MLLT3: variants seen among roughly 807,000 people sequenced by gnomAD.
MLLT3 encodes MLLT3 super elongation complex subunit.
Under a neutral mutation model 53.2 loss-of-function variants are expected in MLLT3, and 4 were observed. That is an observed-to-expected ratio of 0.08 (90% CI 0.04 to 0.17). The LOEUF is 0.17. Ranked by LOEUF, MLLT3 falls within the 10% of genes least tolerant of loss-of-function variation. MLLT3 has a pLI of 1.00. For synonymous variants in MLLT3, 283 were observed against 230.6 expected, an observed-to-expected ratio of 1.23 and a Z score of -2.06; for missense variants, 569 against 684.0, an observed-to-expected ratio of 0.83 and a Z score of 1.87.
At chr9:20,369,579 C>T (rs1401898115) in intron 5 of MLLT3, among the ~76,000 whole-genome samples, 1 of 152,134 alleles carries the variant, frequency 6.6e-6, no homozygotes, top group Non-Finnish European at 1.5e-5. Flanking sequence ...CTGTTAACTG[C>T]TCAAAGAGCC....
chr9:20,426,967 T>C (rs911161531), intron 4 of MLLT3, among the ~76,000 whole-genome samples: 1 of 151,944 alleles, frequency 6.6e-6, no homozygotes, highest in Non-Finnish European at 1.5e-5. Flanking sequence ...TTTGGAGACC[T>C]AAACCTCAGA....
intron 4 of MLLT3, among the ~76,000 whole-genome samples, chr9:20,431,842 G>A (rs1032605492): frequency 3.9e-5 from 6 of 151,942 alleles, no homozygotes; most frequent in African/African-American, 1.5e-4. Context: ...TTATAATGCT[G>A]AATAAATAAA....
In MLLT3 at chr9:20,414,270, A is replaced by ACTGGTACTACTGCTG. The variant is rs1359051447; in HGVS notation, c.561_575dup (p.Ser188_Ser192dup). ...TCATTAATTTGTGAGGCTTTGAAAA[A>ACTGGTACTACTGCTG]CTGGTACTACTGCTGCTGCTGCTGC... On this transcript the variant is annotated inframe_insertion, in exon 5 of 11. Coordinates refer to ENST00000380338, the MANE Select transcript of MLLT3 (RefSeq NM_004529.4). The ACTGGTACTACTGCTG allele has an allele frequency of 1.9e-6, 3 of 1,610,540 alleles. No homozygotes were observed. The highest frequency in any genetic ancestry group is 2.5e-6 in the Non-Finnish European group (3 of 1,178,614).
At chr9:20,570,878 TA>T (rs750426094) in intron 2 of MLLT3, among the ~76,000 whole-genome samples, 10 of 152,328 alleles carry the variant, frequency 6.6e-5, no homozygotes, top group Middle Eastern at 6.8e-3. Context: ...GGTTAAGAAC[TA>T]AATAGATTCT....
chr9:20,533,244 T>C (rs1329864377), intron 2 of MLLT3: 1 of 319,668 alleles, frequency 3.1e-6, no homozygotes, highest in Non-Finnish European at 6.2e-6. Context: ...ATGACAGATA[T>C]GATGAGATCT....
chr9:20,599,978 T>A (rs1168132629), intron 2 of MLLT3, among the ~76,000 whole-genome samples: 1 of 152,044 alleles, frequency 6.6e-6, no homozygotes, highest in African/African-American at 2.4e-5. Context: ...CCCAGTGAGT[T>A]CAGAAATTGC....
rs1268386537 is a variant in MLLT3 at position 20,456,749 on chromosome 9, C to T, written c.231G>A (p.Gly77=). The T allele has an allele frequency of 6.2e-7, 1 of 1,605,720 alleles. No individual in the cohort carries two copies. The highest frequency in any genetic ancestry group is 8.5e-7 in the Non-Finnish European group (1 of 1,177,696). The change falls in exon 3 of 11, where the codon GGG becomes GGA. Residue 77 remains glycine, a synonymous_variant. Coordinates refer to ENST00000380338, the MANE Select transcript of MLLT3 (RefSeq NM_004529.4). ...KDPPYKVEES[G]YAGFILPIEV... Reference sequence around the variant, plus strand: ...CAATTGGCAAAATGAAACCAGCATACCCAGATTCTTCTACTTTGTAAGGTG... The same window carrying T: ...CAATTGGCAAAATGAAACCAGCATATCCAGATTCTTCTACTTTGTAAGGTG...
At chr9:20,609,460 C>A (rs1820648362) in intron 2 of MLLT3, among the ~76,000 whole-genome samples, 1 of 152,026 alleles carries the variant, frequency 6.6e-6, no homozygotes, top group South Asian at 2.1e-4. Context: ...AATTATTACT[C>A]TATTGATAAT....
chr9:20,365,801 A>C, intron 5 of MLLT3, 57 bp from the exon 6 acceptor site: 1 of 1,574,932 alleles, frequency 6.3e-7, no homozygotes, highest in Non-Finnish European at 8.7e-7. Flanking sequence ...CACACATCTA[A>C]AGTTGAAAAC....
chr9:20,413,672 T>C lies in MLLT3; in HGVS notation c.1125+49A>G, dbSNP rs1246809332. ...TTCTTTATTACAAAGCTATCCAAAA[T>C]AAAATCTGAAAATAAGGGAAAGGAA... On this transcript the variant is annotated intron_variant, in intron 5 of 10. Coordinates refer to ENST00000380338, the MANE Select transcript of MLLT3 (RefSeq NM_004529.4). 6 of 1,460,854 alleles carry C rather than the reference T, an allele frequency of 4.1e-6. No individual in the cohort carries two copies. In the African/African-American group the frequency reaches 8.6e-5, roughly 21 times the overall value. 90.5% of individuals were successfully genotyped at this position (1,460,854 alleles called of 1,614,324 possible).
intron 2 of MLLT3, among the ~76,000 whole-genome samples, chr9:20,524,842 T>C (rs1339188092): frequency 6.6e-6 from 1 of 152,146 alleles, no homozygotes; most frequent in Admixed American, 6.5e-5. Context: ...TTCACAAATG[T>C]ATTCCCAAAG....
At chr9:20,498,227 C>CA (rs529049653) in intron 2 of MLLT3, among the ~76,000 whole-genome samples, 356 of 32,516 alleles carry the variant, frequency 0.011, 94 homozygotes, top group Admixed American at 0.015. Flanking sequence ...GACGCTGTCT[C>CA]AAAAAAAAAA....
intron 2 of MLLT3, among the ~76,000 whole-genome samples, chr9:20,595,610 C>A (rs1820242209): frequency 6.6e-6 from 1 of 151,822 alleles, no homozygotes; most frequent in Non-Finnish European, 1.5e-5. Context: ...AATTTGCAAC[C>A]CCAATAAAAT....
At chr9:20,398,199 AATC>A (rs1480080444) in intron 5 of MLLT3, among the ~76,000 whole-genome samples, 1 of 151,908 alleles carries the variant, frequency 6.6e-6, no homozygotes, top group Non-Finnish European at 1.5e-5. Flanking sequence ...AGGCTCAAGT[AATC>A]CCTCACCTCA....
intron 2 of MLLT3, among the ~76,000 whole-genome samples, chr9:20,554,354 T>C (rs1339015695): frequency 6.6e-6 from 1 of 152,204 alleles, no homozygotes; most frequent in East Asian, 1.9e-4. Flanking sequence ...ATACAGGTTG[T>C]TACAAGTTTG....
At chr9:20,507,998 A>C (rs1411235652) in intron 2 of MLLT3, among the ~76,000 whole-genome samples, 1 of 152,210 alleles carries the variant, frequency 6.6e-6, no homozygotes, top group Non-Finnish European at 1.5e-5. Context: ...AATTAATTCA[A>C]TAACATTAAG....
chr9:20,370,521 T>A (rs1357810177), intron 5 of MLLT3, among the ~76,000 whole-genome samples: 1 of 152,044 alleles, frequency 6.6e-6, no homozygotes, highest in Non-Finnish European at 1.5e-5. Flanking sequence ...CAAATCTTTT[T>A]TTTTTTGAGA....
intron 2 of MLLT3, among the ~76,000 whole-genome samples, chr9:20,496,504 A>AT (rs1199792677): frequency 6.6e-6 from 1 of 152,166 alleles, no homozygotes; most frequent in East Asian, 1.9e-4. Flanking sequence ...GACACGTCAC[A>AT]TGAGTACAGG....
At chr9:20,367,443 A>G (rs950167067) in intron 5 of MLLT3, among the ~76,000 whole-genome samples, 1 of 152,192 alleles carries the variant, frequency 6.6e-6, no homozygotes, top group Non-Finnish European at 1.5e-5. Context: ...ATTGTATACA[A>G]GAGGCACTTT....
Sources: allele counts gnomAD v4.1 joint callset (sites outside exome capture counted in the v4.1 genomes callset), GRCh38; gene constraint gnomAD v4.1.1; transcripts MANE v1.5; gene names NCBI Gene and HGNC (gene_info 2026-07-23, HGNC 2026-07-21).